The following EXOC6B variants were observed in gnomAD, a reference collection of about 807,000 sequenced individuals.
EXOC6B encodes exocyst complex component 6B.
EXOC6B carries 54 observed loss-of-function variants against 113.5 expected under a neutral mutation model. The ratio of observed to expected loss-of-function variants is 0.48; its 90% CI spans 0.38 to 0.60. EXOC6B has a LOEUF of 0.60. Among genes scored for constraint, EXOC6B ranks in the 20% least tolerant of loss-of-function variants. EXOC6B has a pLI of 0.00. For missense variants in EXOC6B, 797 were observed against 977.5 expected (o/e 0.82, Z 2.46); for synonymous variants, 357 against 339.0 (o/e 1.05, Z -0.58).
intron 8 of EXOC6B, among the ~76,000 whole-genome samples, chr2:72,520,045 T>G (rs1462859197): frequency 6.6e-6 from 1 of 152,192 alleles, no homozygotes. Flanking sequence ...AAATTTTCCC[T>G]AACACATAAC....
At chr2:72,654,056 A>G in intron 6 of EXOC6B, among the ~76,000 whole-genome samples, 1 of 148,006 alleles carries the variant, frequency 6.8e-6, no homozygotes, top group Non-Finnish European at 1.5e-5. Context: ...TGCAAGCTCC[A>G]CCTCCTGGGT....
intron 6 of EXOC6B, among the ~76,000 whole-genome samples, chr2:72,648,649 T>C (rs1673926183): frequency 6.6e-6 from 1 of 152,196 alleles, no homozygotes; most frequent in African/African-American, 2.4e-5. Context: ...GGAAGTAACC[T>C]AAGTATCCAT....
At chr2:72,297,888 T>G (rs1431554191) in intron 20 of EXOC6B, among the ~76,000 whole-genome samples, 1 of 152,196 alleles carries the variant, frequency 6.6e-6, no homozygotes, top group African/African-American at 2.4e-5. Flanking sequence ...TTGCATTTGC[T>G]GAGGAGTGTT....
chr2:72,819,165 T>C (rs1331002323), intron 1 of EXOC6B, among the ~76,000 whole-genome samples: 2 of 152,142 alleles, frequency 1.3e-5, no homozygotes, highest in African/African-American at 4.8e-5. Flanking sequence ...ATCATTATAA[T>C]GTATAAACCT....
intron 1 of EXOC6B, among the ~76,000 whole-genome samples, chr2:72,780,923 A>G (rs140341811): frequency 0.013 from 2,038 of 152,250 alleles, 13 homozygotes; most frequent in Non-Finnish European, 0.02. Flanking sequence ...TTGTTACACT[A>G]AGGAAAAAAA....
At chr2:72,225,677 T>C (rs976141479) in intron 20 of EXOC6B, among the ~76,000 whole-genome samples, 24 of 152,178 alleles carry the variant, frequency 1.6e-4, no homozygotes, top group African/African-American at 5.5e-4. Flanking sequence ...CCCCTTGGTA[T>C]AGGGAGATGA....
intron 6 of EXOC6B, among the ~76,000 whole-genome samples, chr2:72,625,068 G>T (rs1049700209): frequency 8.8e-5 from 13 of 147,816 alleles, no homozygotes; most frequent in African/African-American, 2.3e-4. Context: ...TTTTTTTTGG[G>T]GGGGGGGTGG....
intron 5 of EXOC6B, among the ~76,000 whole-genome samples, chr2:72,722,362 T>C (rs149497881): frequency 9.8e-5 from 15 of 152,302 alleles, no homozygotes; most frequent in African/African-American, 3.6e-4. Flanking sequence ...TTTTGGACTT[T>C]AAGAATGATT....
At chr2:72,311,248 G>A (rs1310475743) in intron 20 of EXOC6B, among the ~76,000 whole-genome samples, 1 of 152,150 alleles carries the variant, frequency 6.6e-6, no homozygotes, top group Non-Finnish European at 1.5e-5. Context: ...TGTTGGCAAG[G>A]TTACATTCCT....
rs1424457337 is a variant in EXOC6B at position 72,515,251 on chromosome 2, T to C, written c.916-125A>G. 5 of 961,578 alleles carry C rather than the reference T, an allele frequency of 5.2e-6. No homozygotes were observed. The African/African-American group carries it at 8.3e-5, about 16-fold the overall frequency. The allele number at this position is 961,578 out of a possible 1,614,324, so 59.6% of individuals were successfully genotyped here. A position where few individuals can be genotyped will look rare whatever the true frequency, so the allele number is the denominator to read the frequency against. On this transcript the variant is annotated intron_variant, in intron 8 of 21. Transcript: ENST00000272427. ...ATCACATTTCTCAAAATCTGCTATT[T>C]TAACATTGATGATAACAATAGAAAA...
At chr2:72,222,789 A>G (rs1373721709) in intron 20 of EXOC6B, among the ~76,000 whole-genome samples, 2 of 152,172 alleles carry the variant, frequency 1.3e-5, no homozygotes, top group Non-Finnish European at 2.9e-5. Context: ...ATTTCAAATA[A>G]CTTATCACAA....
chr2:72,664,798 A>G (rs1435517420), intron 6 of EXOC6B, among the ~76,000 whole-genome samples: 1 of 152,124 alleles, frequency 6.6e-6, no homozygotes, highest in Non-Finnish European at 1.5e-5. Context: ...CGTAGCCTCT[A>G]TTGTGCAGCC....
chr2:72,731,007 C>A lies in EXOC6B; in HGVS notation c.464G>T (p.Arg155Met). The change falls in exon 5 of 22, where the codon AGG becomes ATG. Residue 155 changes from arginine (R) to methionine (M), a missense_variant and splice_region_variant. Arg to Met is a moderately conservative substitution (Grantham distance 91). Transcript: ENST00000272427. ...CTGTTCGATTAAAAAAAAATCTTAC[C>A]TTTTAGTTTTCATCTGGTCCCTCAG... is the stretch of plus-strand genomic sequence containing the variant. ...SKLRDQMKTK[R>M]HYPALKTLEH... 1 of 1,527,006 alleles carries A rather than the reference C, an allele frequency of 6.5e-7. No homozygotes were observed. The highest frequency in any genetic ancestry group is 2.3e-5 in the Admixed American group (1 of 44,208). 94.6% of individuals were successfully genotyped at this position (1,527,006 alleles called of 1,614,324 possible).
intron 20 of EXOC6B, among the ~76,000 whole-genome samples, chr2:72,292,669 C>T (rs1265609454): frequency 6.6e-6 from 1 of 152,104 alleles, no homozygotes; most frequent in Non-Finnish European, 1.5e-5. Flanking sequence ...CTTTGTTTTA[C>T]TTACTACTAG....
intron 6 of EXOC6B, among the ~76,000 whole-genome samples, chr2:72,716,685 A>G (rs1573677792): frequency 6.6e-6 from 1 of 152,242 alleles, no homozygotes; most frequent in South Asian, 2.1e-4. Context: ...GACCTTTACA[A>G]GGTATTTGAA....
chr2:72,392,735 G>C (rs1692469159), intron 18 of EXOC6B, among the ~76,000 whole-genome samples: 1 of 152,176 alleles, frequency 6.6e-6, no homozygotes. Flanking sequence ...CTAGCAGACA[G>C]TTAAATTATT....
At chr2:72,712,615 G>C (rs377007556) in intron 6 of EXOC6B, among the ~76,000 whole-genome samples, 15 of 152,184 alleles carry the variant, frequency 9.9e-5, no homozygotes, top group African/African-American at 3.6e-4. Context: ...CTCCAAAAAT[G>C]GCACTTTGTT....
At chr2:72,513,613 A>G (rs1465914668) in intron 10 of EXOC6B, among the ~76,000 whole-genome samples, 1 of 151,938 alleles carries the variant, frequency 6.6e-6, no homozygotes, top group Non-Finnish European at 1.5e-5. Context: ...CAAAAAAACA[A>G]ATTTTAAAGA....
intron 8 of EXOC6B, among the ~76,000 whole-genome samples, chr2:72,532,988 T>C (rs913413877): frequency 3.3e-5 from 5 of 152,120 alleles, no homozygotes; most frequent in Non-Finnish European, 7.4e-5. Context: ...ATAATAACTT[T>C]CCCTAAAATT....
Sources: allele counts gnomAD v4.1 joint callset (sites outside exome capture counted in the v4.1 genomes callset), GRCh38; gene constraint gnomAD v4.1.1; transcripts MANE v1.5; gene names NCBI Gene and HGNC (gene_info 2026-07-23, HGNC 2026-07-21).